The following RPH3A variants were observed in gnomAD, a reference collection of about 807,000 sequenced individuals.
RPH3A encodes the protein rabphilin-3A.
Under a neutral mutation model 102.2 loss-of-function variants are expected in RPH3A, and 48 were observed. The ratio of observed to expected loss-of-function variants is 0.47; its 90% CI spans 0.37 to 0.60. RPH3A has a LOEUF of 0.60. Ranked by LOEUF, RPH3A falls within the 20% of genes least tolerant of loss-of-function variation. RPH3A has a pLI of 0.00. For synonymous variants in RPH3A, 310 were observed against 324.3 expected (o/e 0.96, Z 0.47); for missense variants, 781 against 910.1 (o/e 0.86, Z 1.83).
At chr12:112,764,483 C>A (rs1349085479) in intron 1 of RPH3A, among the ~76,000 whole-genome samples, 1 of 152,170 alleles carries the variant, frequency 6.6e-6, no homozygotes, top group Non-Finnish European at 1.5e-5. Context: ...TTCCTAGATC[C>A]TGACTAGGGA....
At chr12:112,735,368 C>T (rs2040662157) in intron 1 of RPH3A, among the ~76,000 whole-genome samples, 1 of 152,134 alleles carries the variant, frequency 6.6e-6, no homozygotes, top group Admixed American at 6.5e-5. Context: ...GGGAGAGAAG[C>T]TTAGAAACTT....
chr12:112,646,836 C>G (rs1176403747), intron 1 of RPH3A, among the ~76,000 whole-genome samples: 1 of 152,166 alleles, frequency 6.6e-6, no homozygotes, highest in African/African-American at 2.4e-5. Context: ...ATTGCTGATG[C>G]CTGGTGAGAG....
At chr12:112,883,764 A>G (rs965563507) in intron 16 of RPH3A, among the ~76,000 whole-genome samples, 2 of 152,230 alleles carry the variant, frequency 1.3e-5, no homozygotes, top group African/African-American at 2.4e-5. Context: ...ATCACTTAAG[A>G]ATACACTGAT....
intron 1 of RPH3A, among the ~76,000 whole-genome samples, chr12:112,628,450 G>C (rs1461483000): frequency 2.0e-5 from 3 of 151,464 alleles, no homozygotes; most frequent in Non-Finnish European, 4.4e-5. Context: ...CTCTGATTAA[G>C]AAGGGGACCC....
intron 1 of RPH3A, among the ~76,000 whole-genome samples, chr12:112,644,840 C>T (rs1361154036): frequency 1.3e-5 from 2 of 152,054 alleles, no homozygotes; most frequent in Non-Finnish European, 2.9e-5. Context: ...ATAATAAAAG[C>T]ACAATGTTAC....
At chr12:112,730,677 C>G (rs2040626690) in intron 1 of RPH3A, among the ~76,000 whole-genome samples, 1 of 152,154 alleles carries the variant, frequency 6.6e-6, no homozygotes, top group East Asian at 1.9e-4. Context: ...TTGGAGACCC[C>G]CAAGTGGTGA....
chr12:112,795,227 C>T (rs1374980848), intron 2 of RPH3A, among the ~76,000 whole-genome samples: 3 of 152,198 alleles, frequency 2.0e-5, no homozygotes, highest in East Asian at 1.9e-4. Context: ...GACACATGGA[C>T]CTGTCTTCTG....
intron 1 of RPH3A, among the ~76,000 whole-genome samples, chr12:112,651,599 A>C (rs1307826670): frequency 6.6e-6 from 1 of 152,210 alleles, no homozygotes; most frequent in Non-Finnish European, 1.5e-5. Flanking sequence ...AAAGAACACA[A>C]AACTTACCAT....
chr12:112,793,054 G>T (rs1422667769), intron 2 of RPH3A, among the ~76,000 whole-genome samples: 1 of 152,146 alleles, frequency 6.6e-6, no homozygotes, highest in Non-Finnish European at 1.5e-5. Context: ...CAAATTCTGG[G>T]GAAAGATTCC....
intron 5 of RPH3A, 87 bp downstream of exon 5, chr12:112,847,929 G>A (rs1182598139): frequency 3.4e-6 from 5 of 1,478,614 alleles, no homozygotes; most frequent in Non-Finnish European, 4.6e-6. Flanking sequence ...CTCAAACGGG[G>A]TGTGCTGGGC....
At chr12:112,841,706 G>GTTT (rs150878418) in intron 4 of RPH3A, among the ~76,000 whole-genome samples, 49 of 145,112 alleles carry the variant, frequency 3.4e-4, no homozygotes, top group African/African-American at 1.0e-3. Context: ...TTGTTTTTTT[G>GTTT]GTTTTTTTTT....
intron 1 of RPH3A, among the ~76,000 whole-genome samples, chr12:112,675,093 C>T (rs2040165080): frequency 6.6e-6 from 1 of 152,170 alleles, no homozygotes; most frequent in Admixed American, 6.5e-5. Context: ...TCATCTCTGT[C>T]AAAGCTAAAA....
intron 1 of RPH3A, among the ~76,000 whole-genome samples, chr12:112,712,904 C>CTCTTTTTCTTCTTCTTCTTCT (rs2040475269): frequency 7.6e-5 from 7 of 92,542 alleles, no homozygotes; most frequent in African/African-American, 3.3e-4. Flanking sequence ...CTTCTTCTTC[C>CTCTTTTTCTTCTTCTTCTTCT]TCTTCTTCTT....
intron 1 of RPH3A, among the ~76,000 whole-genome samples, chr12:112,641,588 G>C (rs1228757470): frequency 2.0e-5 from 3 of 152,128 alleles, no homozygotes; most frequent in Admixed American, 1.3e-4. Context: ...GTAGAGACAG[G>C]GTTTCATCAT....
chr12:112,671,026 TA>T (rs79254861), intron 1 of RPH3A, among the ~76,000 whole-genome samples: 4,891 of 148,546 alleles, frequency 0.033, 178 homozygotes, highest in Admixed American at 0.11. Flanking sequence ...GTTTAGTTGT[TA>T]AAAAAAAAAA....
At chr12:112,609,712 G>T (rs1746239379) in intron 1 of RPH3A, among the ~76,000 whole-genome samples, 1 of 152,148 alleles carries the variant, frequency 6.6e-6, no homozygotes, top group Admixed American at 6.6e-5. Flanking sequence ...CAACATGCAT[G>T]AATAAATTAC....
chr12:112,627,862 T>C (rs1463792087), intron 1 of RPH3A, among the ~76,000 whole-genome samples: 1 of 152,032 alleles, frequency 6.6e-6, no homozygotes, highest in African/African-American at 2.4e-5. Context: ...GAGGTTTACT[T>C]GGCTCGTGGT....
intron 1 of RPH3A, among the ~76,000 whole-genome samples, chr12:112,751,473 T>C (rs746904495): frequency 6.6e-6 from 1 of 152,212 alleles, no homozygotes; most frequent in South Asian, 2.1e-4. Context: ...CTTATAGTAT[T>C]GTTCAGAGGT....
chr12:112,698,362 A>G lies in RPH3A; in HGVS notation c.-139-93781A>G, dbSNP rs375969406. On this transcript the variant is annotated intron_variant, in intron 1 of 21. Transcript: ENST00000543106. ...TGAGTTAGACAAAGATTTCTTAGCT[A>G]AGACAAAAAAGCATAAACCATAAAA... Among the ~76,000 whole-genome samples the G allele has an allele frequency of 9.2e-5, 14 of 152,350 alleles. No individual in the cohort carries two copies. In the East Asian group the frequency reaches 2.5e-3, roughly 27 times the overall value.
Sources: gnomAD v4.1 joint callset for allele counts (sites outside exome capture counted in the v4.1 genomes callset) on GRCh38, gnomAD v4.1.1 for gene constraint, MANE v1.5 for transcripts, NCBI Gene and HGNC (gene_info 2026-07-23, HGNC 2026-07-21) for gene names.